Variants in THRB observed in about 807,000 individuals in gnomAD.
THRB encodes the protein thyroid hormone receptor beta, also known as nuclear receptor subfamily 1 group A member 2.
In THRB, 12 loss-of-function variants were observed where a neutral mutation model predicts 47.8. That is an observed-to-expected ratio of 0.25 (90% confidence interval 0.16 to 0.41). The LOEUF (loss-of-function observed/expected upper bound fraction) is 0.41. Among genes scored for constraint, THRB ranks in the 10% least tolerant of loss-of-function variants. The pLI is 1.00. For missense variants in THRB, 348 were observed against 589.2 expected (o/e 0.59, Z 4.24); for synonymous variants, 218 against 212.2 (o/e 1.03, Z -0.24).
At chr3:24,483,713 A>T (rs955514508) in intron 1 of THRB, among the ~76,000 whole-genome samples, 6 of 152,220 alleles carry the variant, frequency 3.9e-5, no homozygotes, top group South Asian at 2.1e-4. Flanking sequence ...GTCAGATAGG[A>T]GGGTGGTATG....
chr3:24,155,766 G>C (rs912841393), intron 5 of THRB, among the ~76,000 whole-genome samples: 11 of 152,172 alleles, frequency 7.2e-5, no homozygotes, highest in Non-Finnish European at 1.6e-4. Flanking sequence ...ACACTGATGA[G>C]TGTCATAATG....
intron 1 of THRB, among the ~76,000 whole-genome samples, chr3:24,390,779 C>CTTTTTTTTTTTT (rs2066497576): frequency 1.8e-5 from 1 of 54,142 alleles, no homozygotes; most frequent in African/African-American, 6.2e-5. Flanking sequence ...CCAATCTTTA[C>CTTTTTTTTTTTT]TTTGTAAAAA....
intron 1 of THRB, among the ~76,000 whole-genome samples, chr3:24,483,741 T>C (rs1170729254): frequency 1.3e-5 from 2 of 152,188 alleles, no homozygotes; most frequent in East Asian, 3.8e-4. Context: ...AAGTAGAACT[T>C]AGTTACCTCA....
At chr3:24,384,453 G>T (rs1359934632) in intron 1 of THRB, among the ~76,000 whole-genome samples, 1 of 152,114 alleles carries the variant, frequency 6.6e-6, no homozygotes, top group Non-Finnish European at 1.5e-5. Context: ...ATCTCATTCA[G>T]ATAACATCTA....
rs149206668 is a variant in THRB, at chr3:24,487,039, T to G, written c.-261+7613A>C. On this transcript the variant is annotated intron_variant, in intron 1 of 10. Transcript: ENST00000646209. ...CAGCAGAAAGAAAGTCAAGGAAAGA[T>G]TATGATTATAATGTTTTCAAAGGGA... 3.3e-3 allele frequency among the ~76,000 whole-genome samples: 501 copies of G among 152,268 alleles called. 2 individuals are homozygous for G. The highest frequency in any genetic ancestry group is 6.8e-3 in the Middle Eastern group (2 of 294).
chr3:24,226,606 G>T (rs1427145824), intron 4 of THRB, among the ~76,000 whole-genome samples: 3 of 152,194 alleles, frequency 2.0e-5, no homozygotes, highest in Non-Finnish European at 4.4e-5. Flanking sequence ...CACAAGATGG[G>T]CTGAAAAGCT....
intron 1 of THRB, among the ~76,000 whole-genome samples, chr3:24,447,529 G>A (rs767004227): frequency 3.0e-4 from 45 of 152,014 alleles, no homozygotes; most frequent in Non-Finnish European, 5.6e-4. Context: ...ATTGCCAGCT[G>A]TTCATTTTCA....
chr3:24,157,720 T>C (rs892797221), intron 5 of THRB, among the ~76,000 whole-genome samples: 7 of 152,150 alleles, frequency 4.6e-5, no homozygotes, highest in African/African-American at 1.7e-4. Context: ...TTCGTAGAGA[T>C]GGGGTCTTGC....
chr3:24,454,103 A>C (rs1252436920), intron 1 of THRB, among the ~76,000 whole-genome samples: 1 of 152,248 alleles, frequency 6.6e-6, no homozygotes, highest in Non-Finnish European at 1.5e-5. Flanking sequence ...TTGAATATAC[A>C]AAAAACTCAA....
At chr3:24,334,734 TG>T (rs1315413234) in intron 2 of THRB, among the ~76,000 whole-genome samples, 1 of 152,100 alleles carries the variant, frequency 6.6e-6, no homozygotes, top group Non-Finnish European at 1.5e-5. Flanking sequence ...ACATTTCTTT[TG>T]GGGGAGTGGC....
intron 3 of THRB, among the ~76,000 whole-genome samples, chr3:24,232,299 A>G (rs1339062236): frequency 6.6e-6 from 1 of 152,262 alleles, no homozygotes; most frequent in African/African-American, 2.4e-5. Context: ...GGTTTTGTTT[A>G]AAGACAACAC....
chr3:24,354,196 G>C (rs759799060), intron 1 of THRB, among the ~76,000 whole-genome samples: 3 of 152,220 alleles, frequency 2.0e-5, no homozygotes, highest in Middle Eastern at 6.8e-3. Flanking sequence ...GACACATAAA[G>C]GGGAGCAACA....
intron 1 of THRB, among the ~76,000 whole-genome samples, chr3:24,344,680 T>C (rs1446504222): frequency 1.4e-5 from 2 of 141,488 alleles, no homozygotes; most frequent in African/African-American, 2.9e-5. Context: ...TACACAAATA[T>C]GTAGGGATAT....
intron 1 of THRB, among the ~76,000 whole-genome samples, chr3:24,349,880 G>A (rs2063259038): frequency 6.6e-6 from 1 of 151,980 alleles, no homozygotes; most frequent in South Asian, 2.1e-4. Context: ...TAAAGGAAAA[G>A]GTAAGAAATT....
At chr3:24,366,339 C>A (rs970837640) in intron 1 of THRB, among the ~76,000 whole-genome samples, 1 of 152,090 alleles carries the variant, frequency 6.6e-6, no homozygotes, top group African/African-American at 2.4e-5. Flanking sequence ...AGGGGTGAAT[C>A]CTAGCCAGAA....
intron 4 of THRB, among the ~76,000 whole-genome samples, chr3:24,191,272 T>C (rs2043302353): frequency 6.6e-6 from 1 of 151,888 alleles, no homozygotes; most frequent in Admixed American, 6.6e-5. Context: ...ATATACATAT[T>C]TGTATGCATG....
At chr3:24,450,592 T>G (rs896067897) in intron 1 of THRB, among the ~76,000 whole-genome samples, 1 of 152,228 alleles carries the variant, frequency 6.6e-6, no homozygotes, top group Non-Finnish European at 1.5e-5. Context: ...TTACTGTTCC[T>G]AAAAACTCAA....
chr3:24,397,252 G>A (rs907076708), intron 1 of THRB, among the ~76,000 whole-genome samples: 2 of 152,084 alleles, frequency 1.3e-5, no homozygotes, highest in Admixed American at 1.3e-4. Context: ...TACAAACACT[G>A]GGTTTGCAAG....
At chr3:24,352,573 A>G (rs986710040) in intron 1 of THRB, among the ~76,000 whole-genome samples, 15 of 152,204 alleles carry the variant, frequency 9.9e-5, no homozygotes, top group Non-Finnish European at 2.1e-4. Context: ...AATCAGAAGC[A>G]GCCTGCAAAT....
Sources: allele counts gnomAD v4.1 joint callset (sites outside exome capture counted in the v4.1 genomes callset), GRCh38; gene constraint gnomAD v4.1.1; transcripts MANE v1.5; gene names NCBI Gene and HGNC (gene_info 2026-07-23, HGNC 2026-07-21).